The following SLC2A13 variants were observed in gnomAD, a reference collection of about 807,000 sequenced individuals.
SLC2A13 encodes the protein solute carrier family 2 member 13.
Under a neutral mutation model 64.4 loss-of-function variants are expected in SLC2A13, and 32 were observed. The ratio of observed to expected loss-of-function variants is 0.50; its 90% CI spans 0.37 to 0.67. The LOEUF is 0.67. Among genes scored for constraint, SLC2A13 ranks in the 30% least tolerant of loss-of-function variants. The pLI, the probability that SLC2A13 is intolerant of heterozygous loss-of-function variation, is 0.00. For missense variants in SLC2A13, 743 were observed against 829.2 expected (o/e 0.90, Z 1.28); for synonymous variants, 338 against 327.1 (o/e 1.03, Z -0.36).
chr12:39,894,500 CA>C (rs141947464), intron 4 of SLC2A13, among the ~76,000 whole-genome samples: 7,018 of 152,258 alleles, frequency 0.046, 295 homozygotes, highest in Admixed American at 0.13. Context: ...AATTAGCCTT[CA>C]AGTCTGAAAT....
intron 6 of SLC2A13, among the ~76,000 whole-genome samples, chr12:39,844,420 G>A (rs1263343945): frequency 6.6e-6 from 1 of 151,936 alleles, no homozygotes; most frequent in Non-Finnish European, 1.5e-5. Flanking sequence ...CTTATACTAA[G>A]AGGCTCATAA....
chr12:39,808,538 T>A (rs1294163788), intron 7 of SLC2A13, among the ~76,000 whole-genome samples: 1 of 152,142 alleles, frequency 6.6e-6, no homozygotes, highest in Admixed American at 6.5e-5. Flanking sequence ...TTCTGAAGTG[T>A]TTGTACCAAT....
At chr12:39,995,686 C>T (rs1366702685) in intron 3 of SLC2A13, among the ~76,000 whole-genome samples, 4 of 152,194 alleles carry the variant, frequency 2.6e-5, no homozygotes, top group African/African-American at 9.7e-5. Flanking sequence ...TGTGTCCCCA[C>T]CCAAATCTCA....
At chr12:39,931,905 ATAATAGTATAT>A (rs1945831767) in intron 4 of SLC2A13, among the ~76,000 whole-genome samples, 1 of 152,076 alleles carries the variant, frequency 6.6e-6, no homozygotes, top group African/African-American at 2.4e-5. Flanking sequence ...TTCATTTTAT[ATAATAGTATAT>A]TATCCTAATA....
rs370574357 is a variant in SLC2A13, at chr12:39,836,927, C to T, written c.1320-6699G>A. Among the ~76,000 whole-genome samples the T allele has an allele frequency of 1.4e-3, 40 of 28,818 alleles. No homozygotes were observed. The East Asian group carries it at 0.027, about 19-fold the overall frequency. The allele number at this position is 28,818 out of a possible 152,430, so 18.9% of individuals were successfully genotyped here. A position where few individuals can be genotyped will look rare whatever the true frequency, so the allele number is the denominator to read the frequency against. On this transcript the variant is annotated intron_variant, in intron 6 of 9. Transcript: ENST00000280871. ...TGGCCATACTGCCCAAGGTAATTTA[C>T]AGATTCAATGCCATCCCCATCAAGC...
intron 3 of SLC2A13, among the ~76,000 whole-genome samples, chr12:40,007,100 A>G (rs1443270695): frequency 6.6e-6 from 1 of 152,188 alleles, no homozygotes; most frequent in East Asian, 1.9e-4. Context: ...GACCCAGTAT[A>G]AGAATTTCTT....
chr12:39,790,669 G>A (rs868513218), intron 7 of SLC2A13, among the ~76,000 whole-genome samples: 1,506 of 110,558 alleles, frequency 0.014, 9 homozygotes, highest in Middle Eastern at 0.036. Flanking sequence ...GAATAATGCC[G>A]CAATAAACAT....
At position 39,895,551 on chromosome 12, in the gene SLC2A13, T is replaced by TATACAC. The variant is rs1246193316; in HGVS notation, c.1035-23591_1035-23590insGTGTAT. On this transcript the variant is annotated intron_variant, in intron 4 of 9. Transcript: ENST00000280871. ...ATATATATATATATATATATATATA[T>TATACAC]ACACACACACACACACGTGTATATG... 1.3e-3 allele frequency among the ~76,000 whole-genome samples: 84 copies of TATACAC among 66,758 alleles called. 12 individuals carry two copies. The highest frequency in any genetic ancestry group is 4.9e-3 in the African/African-American group (79 of 16,016). The allele number at this position is 66,758 out of a possible 152,430, so 43.8% of individuals were successfully genotyped here.
At chr12:40,019,934 A>G (rs1947684708) in intron 3 of SLC2A13, among the ~76,000 whole-genome samples, 3 of 152,148 alleles carry the variant, frequency 2.0e-5, no homozygotes, top group Non-Finnish European at 2.9e-5. Flanking sequence ...TGAAGGCTCA[A>G]CGTTTCAAGA....
intron 7 of SLC2A13, among the ~76,000 whole-genome samples, chr12:39,780,220 A>G (rs545428314): frequency 6.6e-6 from 1 of 152,358 alleles, no homozygotes; most frequent in African/African-American, 2.4e-5. Flanking sequence ...TTTTTTAAAT[A>G]TAGTGACTTC....
intron 1 of SLC2A13, among the ~76,000 whole-genome samples, chr12:40,076,472 C>T (rs1158467458): frequency 6.6e-6 from 1 of 152,106 alleles, no homozygotes; most frequent in Non-Finnish European, 1.5e-5. Flanking sequence ...ATCCATGTTG[C>T]TGGAAAGGAC....
intron 3 of SLC2A13, among the ~76,000 whole-genome samples, chr12:40,023,319 C>T (rs1287606240): frequency 6.6e-6 from 1 of 152,184 alleles, no homozygotes; most frequent in Non-Finnish European, 1.5e-5. Flanking sequence ...AGAGATGGTG[C>T]CTTATCTAAG....
At chr12:39,972,486 T>A (rs1946681019) in intron 3 of SLC2A13, among the ~76,000 whole-genome samples, 1 of 152,158 alleles carries the variant, frequency 6.6e-6, no homozygotes, top group Non-Finnish European at 1.5e-5. Flanking sequence ...TCTCCCTGCA[T>A]CTTGGCCCAT....
intron 1 of SLC2A13, among the ~76,000 whole-genome samples, chr12:40,059,434 T>C (rs1948382906): frequency 2.0e-5 from 3 of 152,150 alleles, no homozygotes; most frequent in Admixed American, 2.0e-4. Context: ...ACCACAACAA[T>C]CAACTTCTGA....
chr12:39,811,642 A>G (rs1373650539), intron 7 of SLC2A13, among the ~76,000 whole-genome samples: 3 of 152,136 alleles, frequency 2.0e-5, no homozygotes, highest in African/African-American at 4.8e-5. Flanking sequence ...ACTGATTTCT[A>G]AGAAGCTCTA....
intron 1 of SLC2A13, among the ~76,000 whole-genome samples, chr12:40,048,594 G>C (rs1054163853): frequency 8.5e-5 from 13 of 152,100 alleles, no homozygotes; most frequent in Admixed American, 7.2e-4. Context: ...AGACAATAGT[G>C]AGAATAAAAA....
At chr12:40,100,687 G>C (rs537992190) in intron 1 of SLC2A13, among the ~76,000 whole-genome samples, 2 of 152,174 alleles carry the variant, frequency 1.3e-5, no homozygotes, top group South Asian at 4.2e-4. Flanking sequence ...CCCTGGGCCG[G>C]GCATGGTGGC....
intron 4 of SLC2A13, among the ~76,000 whole-genome samples, chr12:39,879,263 G>A (rs999893269): frequency 6.6e-6 from 1 of 152,242 alleles, no homozygotes; most frequent in African/African-American, 2.4e-5. Context: ...GAAATGTGGG[G>A]TTGAGCCCTC....
intron 1 of SLC2A13, among the ~76,000 whole-genome samples, chr12:40,061,178 G>T (rs965789895): frequency 6.6e-6 from 1 of 151,970 alleles, no homozygotes; most frequent in African/African-American, 2.4e-5. Context: ...GCAAAAAGGA[G>T]AGAAGCAGCA....
Sources: gnomAD v4.1 joint callset for allele counts (sites outside exome capture counted in the v4.1 genomes callset) on GRCh38, gnomAD v4.1.1 for gene constraint, MANE v1.5 for transcripts, NCBI Gene and HGNC (gene_info 2026-07-23, HGNC 2026-07-21) for gene names.